CSRNP3: variants seen among roughly 807,000 people sequenced by gnomAD.
CSRNP3 encodes cysteine/serine-rich nuclear protein 3.
A neutral mutation model predicts 48.0 loss-of-function variants in CSRNP3; 12 were observed. That is an observed-to-expected ratio of 0.25 (90% CI 0.16 to 0.41). The LOEUF is 0.41. Among genes scored for constraint, CSRNP3 ranks in the 10% least tolerant of loss-of-function variants. The pLI is 1.00. For synonymous variants in CSRNP3, 263 were observed against 269.7 expected, an observed-to-expected ratio of 0.98 and a Z score of 0.24; for missense variants, 580 against 724.4, an observed-to-expected ratio of 0.80 and a Z score of 2.29.
At position 165,679,359 on chromosome 2, in the gene CSRNP3, C is replaced by T. The variant is rs770757929; in HGVS notation, c.1364C>T (p.Ser455Phe). 8.7e-6 allele frequency: 14 copies of T among 1,613,696 alleles called. No homozygotes were observed. In the East Asian group the frequency reaches 3.1e-4, roughly 36 times the overall value. ...CCAAATCAGATCTCTGAGAACTATT[C>T]TGAAAGAGACACTGTCAAAAATGGT... ...GTPNQISENY[S>F]ERDTVKNGTL... Residue 455 changes from serine to phenylalanine, a missense_variant, in exon 7 of 7, where the codon TCT (serine) becomes TTT (phenylalanine). Transcript: ENST00000651982.
chr2:165,674,708 AT>A (rs1199575941), intron 5 of CSRNP3, among the ~76,000 whole-genome samples: 468 of 139,512 alleles, frequency 3.4e-3, no homozygotes, highest in Non-Finnish European at 5.8e-3. Flanking sequence ...ATATATATAT[AT>A]ATATAATTTG....
chr2:165,662,787 G>T (rs1010963682), intron 5 of CSRNP3, among the ~76,000 whole-genome samples: 1 of 151,980 alleles, frequency 6.6e-6, no homozygotes, highest in Non-Finnish European at 1.5e-5. Context: ...AACCCAAGTT[G>T]TTCCTCCTAT....
intron 5 of CSRNP3, among the ~76,000 whole-genome samples, chr2:165,668,855 T>C (rs1258830175): frequency 6.6e-6 from 1 of 152,184 alleles, no homozygotes; most frequent in Non-Finnish European, 1.5e-5. Context: ...CTCTTAAGAA[T>C]TTTTACTCCA....
intron 3 of CSRNP3, among the ~76,000 whole-genome samples, chr2:165,584,020 G>T (rs1006921115): frequency 6.6e-6 from 1 of 152,132 alleles, no homozygotes; most frequent in Non-Finnish European, 1.5e-5. Context: ...TACAATGCTT[G>T]TATAAATAGG....
At chr2:165,483,485 C>G (rs952091430) in intron 1 of CSRNP3, among the ~76,000 whole-genome samples, 1 of 152,124 alleles carries the variant, frequency 6.6e-6, no homozygotes, top group Non-Finnish European at 1.5e-5. Flanking sequence ...CTTTTAAATG[C>G]TAATAATCTC....
At chr2:165,603,472 T>C (rs1202663213) in intron 4 of CSRNP3, among the ~76,000 whole-genome samples, 1 of 152,164 alleles carries the variant, frequency 6.6e-6, no homozygotes, top group Non-Finnish European at 1.5e-5. Flanking sequence ...AAATACTCAA[T>C]TCCAGTATTA....
intron 3 of CSRNP3, among the ~76,000 whole-genome samples, chr2:165,520,539 G>A (rs1367059717): frequency 6.6e-6 from 1 of 151,412 alleles, no homozygotes; most frequent in Non-Finnish European, 1.5e-5. Flanking sequence ...TGGATTAAGA[G>A]ATTTCAAAAT....
At chr2:165,593,616 G>A (rs1000092822) in intron 3 of CSRNP3, among the ~76,000 whole-genome samples, 1 of 152,160 alleles carries the variant, frequency 6.6e-6, no homozygotes, top group Non-Finnish European at 1.5e-5. Flanking sequence ...GAAAAGAAGT[G>A]ATTTCAGAGA....
intron 3 of CSRNP3, among the ~76,000 whole-genome samples, chr2:165,578,084 G>A (rs928188213): frequency 3.9e-5 from 6 of 152,004 alleles, no homozygotes; most frequent in African/African-American, 1.4e-4. Flanking sequence ...ATAGGAAAAT[G>A]AGGAGTCTCT....
At chr2:165,553,241 A>C (rs1030678971) in intron 3 of CSRNP3, among the ~76,000 whole-genome samples, 12 of 152,186 alleles carry the variant, frequency 7.9e-5, no homozygotes, top group African/African-American at 2.9e-4. Flanking sequence ...CTTCGACCTC[A>C]CTGGGACCTA....
rs1379827510 is a variant in CSRNP3 at position 165,681,444 on chromosome 2, TA to T, written c.*1696del. On this transcript the variant is annotated 3_prime_UTR_variant, in exon 7 of 7. Transcript: ENST00000651982. ...AAAAAATATTTTATTTAATTGAACTTAAAAATGCTTGATCTAGAGAAAGTCC... is the reference window on the plus strand; with the variant it reads ...AAAAAATATTTTATTTAATTGAACTTAAAATGCTTGATCTAGAGAAAGTCC... 1.3e-5 allele frequency: 2 copies of T among 151,814 alleles called. No individual in the cohort carries two copies. The highest frequency in any genetic ancestry group is 2.4e-5 in the African/African-American group (1 of 41,346). 9.4% of individuals were successfully genotyped at this position (151,814 alleles called of 1,614,324 possible). A position where few individuals can be genotyped will look rare whatever the true frequency, so the allele number is the denominator to read the frequency against.
rs548197863 is a variant in CSRNP3 at position 165,565,512 on chromosome 2, T to C, written c.-23-29531T>C. ...ATCATACCCCAGTGTAAGAAGGCTG[T>C]ATAATTCCCTTCCTTCCATAAATAA... On this transcript the variant is annotated intron_variant, in intron 3 of 6. Coordinates refer to ENST00000651982, the MANE Select transcript of CSRNP3 (RefSeq NM_001172173.2). Among the ~76,000 whole-genome samples the C allele has an allele frequency of 5.3e-5, 8 of 152,142 alleles. No individual in the cohort carries two copies. The East Asian group carries it at 1.2e-3, about 22-fold the overall frequency.
intron 2 of CSRNP3, among the ~76,000 whole-genome samples, chr2:165,516,680 C>T (rs929682330): frequency 2.0e-5 from 3 of 152,078 alleles, no homozygotes; most frequent in African/African-American, 7.2e-5. Flanking sequence ...TCTACCAAAT[C>T]TGGGGTTACT....
chr2:165,676,439 C>T lies in CSRNP3; in HGVS notation c.536C>T (p.Thr179Ile). Residue 179 changes from threonine to isoleucine, a missense_variant, in exon 6 of 7, where the codon ACA becomes ATA. Physicochemically the swap from Thr to Ile is moderately conservative, Grantham distance 89. Around this residue, in one of 4 missense-constraint regions of CSRNP3, gnomAD observed 66 missense variants for 137.6 expected, o/e 0.48. Coordinates refer to ENST00000651982, the MANE Select transcript of CSRNP3 (RefSeq NM_001172173.2). The stretch of plus-strand genomic sequence containing the variant: ...TACTTCTTCCTACAACCTTTGCCAA[C>T]AAAAAAACGAAGAGCTCTGCTGCGT... ...DEYFFLQPLP[T>I]KKRRALLRAS... is the part of the protein sequence containing the mutation. The T allele has an allele frequency of 6.2e-7, 1 of 1,614,030 alleles. No individual in the cohort carries two copies. Among genetic ancestry groups the T allele is most frequent in the Non-Finnish European group, 8.5e-7 (1 of 1,179,970 alleles).
chr2:165,582,688 C>T (rs1014828762), intron 3 of CSRNP3, among the ~76,000 whole-genome samples: 1 of 152,128 alleles, frequency 6.6e-6, no homozygotes. Flanking sequence ...TGGATACCCA[C>T]CAAAGCTGGG....
chr2:165,514,155 T>C (rs1684544289), intron 2 of CSRNP3, among the ~76,000 whole-genome samples: 2 of 152,274 alleles, frequency 1.3e-5, no homozygotes, highest in Non-Finnish European at 2.9e-5. Flanking sequence ...CTACAAGTTT[T>C]AAACTCCTCA....
intron 3 of CSRNP3, among the ~76,000 whole-genome samples, chr2:165,592,805 T>C (rs1685740943): frequency 7.0e-6 from 1 of 143,676 alleles, no homozygotes; most frequent in South Asian, 2.3e-4. Flanking sequence ...TCTTTTCATT[T>C]TTTTTTTTTT....
At chr2:165,575,530 A>G (rs1258678242) in intron 3 of CSRNP3, among the ~76,000 whole-genome samples, 2 of 152,170 alleles carry the variant, frequency 1.3e-5, no homozygotes, top group African/African-American at 4.8e-5. Context: ...AAGATATTTA[A>G]AAATGAATTT....
rs146435938 is a variant in CSRNP3, at chr2:165,634,029, T to C, written c.149-23732T>C. On this transcript the variant is annotated intron_variant, in intron 4 of 6. Transcript: ENST00000651982. ...CATTTATTCTACAAATATTTATTCA[T>C]AGACTATCTTTGTAAAACATTATTT... Among the ~76,000 whole-genome samples the C allele has an allele frequency of 2.7e-3, 417 of 152,314 alleles. 6 individuals carry two copies. Among genetic ancestry groups the C allele is most frequent in the Middle Eastern group, 0.02 (6 of 294 alleles).
Sources: allele counts gnomAD v4.1 joint callset (sites outside exome capture counted in the v4.1 genomes callset), GRCh38; gene constraint gnomAD v4.1.1; regional missense constraint gnomAD v4.1.1; transcripts MANE v1.5; gene names NCBI Gene and HGNC (gene_info 2026-07-23, HGNC 2026-07-21).